Variants in ULK4 observed in about 807,000 individuals in gnomAD.
ULK4 encodes the protein unc-51 like kinase 4.
Under a neutral mutation model 160.6 loss-of-function variants are expected in ULK4, and 133 were observed. That is an observed-to-expected ratio of 0.83 (90% CI 0.72 to 0.96). The LOEUF is 0.96. Ranked by LOEUF, ULK4 falls within the 40% of genes least tolerant of loss-of-function variation. ULK4 has a pLI of 0.00. For synonymous variants in ULK4, 534 were observed against 539.8 expected (o/e 0.99, Z 0.15); for missense variants, 1,580 against 1,499.5 (o/e 1.05, Z -0.89).
chr3:41,707,557 T>A (rs1175522199), intron 25 of ULK4, among the ~76,000 whole-genome samples: 1 of 152,036 alleles, frequency 6.6e-6, no homozygotes, highest in Non-Finnish European at 1.5e-5. Flanking sequence ...TCAGGCCAGG[T>A]GAAGTGGCTC....
Position 41,816,861 on chromosome 3 carries a change from C to T in ULK4, c.1848+2562G>A, listed in dbSNP as rs930637422. Among the ~76,000 whole-genome samples, 10 of 152,232 alleles carry T rather than the reference C, an allele frequency of 6.6e-5. No individual in the cohort carries two copies. The South Asian group carries it at 8.3e-4, about 13-fold the overall frequency. On this transcript the variant is annotated intron_variant, in intron 19 of 36. Transcript: ENST00000301831. ...TAAGTTTGCCTATGTCAAATGTTTGCGAAGATATGGGTTAATAAGTACTTC... is the reference window on the plus strand; with the variant it reads ...TAAGTTTGCCTATGTCAAATGTTTGTGAAGATATGGGTTAATAAGTACTTC...
intron 35 of ULK4, among the ~76,000 whole-genome samples, chr3:41,279,436 T>C (rs943634705): frequency 3.3e-5 from 5 of 151,924 alleles, no homozygotes; most frequent in Non-Finnish European, 5.9e-5. Flanking sequence ...CAGGCCAACA[T>C]TCAAATTCAG....
Position 41,755,285 on chromosome 3 carries a change from AT to A in ULK4, c.2194-798del, listed in dbSNP as rs1042559389. ...TGTCCAAGACAGATTTAAGAAGCTC[AT>A]TTTTTTTTGGCCACACTCCAGTCCT... On this transcript the variant is annotated intron_variant, in intron 21 of 36. Transcript: ENST00000301831. Among the ~76,000 whole-genome samples the A allele has an allele frequency of 2.7e-5, 4 of 150,636 alleles. No individual in the cohort carries two copies. The East Asian group carries it at 7.8e-4, about 29-fold the overall frequency.
intron 22 of ULK4, among the ~76,000 whole-genome samples, chr3:41,745,185 A>C (rs1321602165): frequency 6.6e-6 from 1 of 151,392 alleles, no homozygotes; most frequent in African/African-American, 2.4e-5. Context: ...AGCAAGCAGA[A>C]GGAAAATATA....
At chr3:41,582,599 C>T (rs919776058) in intron 31 of ULK4, among the ~76,000 whole-genome samples, 2 of 152,204 alleles carry the variant, frequency 1.3e-5, no homozygotes, top group African/African-American at 4.8e-5. Flanking sequence ...CATCACCTTG[C>T]TTTCTGCTTT....
intron 35 of ULK4, among the ~76,000 whole-genome samples, chr3:41,263,314 G>C (rs1355770566): frequency 6.6e-6 from 1 of 152,206 alleles, no homozygotes; most frequent in Non-Finnish European, 1.5e-5. Context: ...TTTGTGTTGA[G>C]AGTGTTTGTG....
intron 17 of ULK4, among the ~76,000 whole-genome samples, chr3:41,858,413 G>C (rs578219795): frequency 6.6e-6 from 1 of 151,608 alleles, no homozygotes; most frequent in South Asian, 2.1e-4. Flanking sequence ...CGGCCTCCCA[G>C]AGTACTGGAA....
At chr3:41,515,548 T>A (rs1249631176) in intron 32 of ULK4, among the ~76,000 whole-genome samples, 1 of 152,160 alleles carries the variant, frequency 6.6e-6, no homozygotes, top group African/African-American at 2.4e-5. Context: ...GTTCTGCATG[T>A]GAGTCATGGC....
intron 31 of ULK4, among the ~76,000 whole-genome samples, chr3:41,613,892 A>G (rs1240692792): frequency 6.6e-6 from 1 of 152,248 alleles, no homozygotes; most frequent in Admixed American, 6.5e-5. Context: ...GCAAGGCCAT[A>G]GGGCTCAGGA....
intron 17 of ULK4, among the ~76,000 whole-genome samples, chr3:41,850,862 C>T (rs967189398): frequency 6.6e-5 from 10 of 152,130 alleles, no homozygotes; most frequent in South Asian, 2.1e-4. Context: ...CTTTTGGTGT[C>T]CTAGACATGA....
intron 23 of ULK4, among the ~76,000 whole-genome samples, chr3:41,715,894 C>T (rs1370828539): frequency 6.6e-6 from 1 of 151,602 alleles, no homozygotes; most frequent in Non-Finnish European, 1.5e-5. Flanking sequence ...GCACTTGTTG[C>T]TTTTGCAAAC....
intron 35 of ULK4, among the ~76,000 whole-genome samples, chr3:41,392,755 C>G (rs753001139): frequency 6.6e-6 from 1 of 152,154 alleles, no homozygotes; most frequent in Non-Finnish European, 1.5e-5. Flanking sequence ...CCTCAGGGAG[C>G]TTGTCTTTTC....
At chr3:41,536,773 G>A (rs2086514709) in intron 32 of ULK4, among the ~76,000 whole-genome samples, 1 of 152,194 alleles carries the variant, frequency 6.6e-6, no homozygotes, top group Non-Finnish European at 1.5e-5. Flanking sequence ...CAGGGTGGCA[G>A]AGGCTGACAA....
At chr3:41,302,313 T>C (rs2079816663) in intron 35 of ULK4, among the ~76,000 whole-genome samples, 1 of 152,210 alleles carries the variant, frequency 6.6e-6, no homozygotes, top group Non-Finnish European at 1.5e-5. Flanking sequence ...TAACTTATTA[T>C]TAAGTAGAAA....
chr3:41,731,020 A>G (rs1309437819), intron 22 of ULK4, among the ~76,000 whole-genome samples: 1 of 152,160 alleles, frequency 6.6e-6, no homozygotes, highest in Non-Finnish European at 1.5e-5. Flanking sequence ...GCATAGAAGG[A>G]ATGTTTGTAC....
chr3:41,628,789 T>C (rs1216179830), intron 30 of ULK4, among the ~76,000 whole-genome samples: 1 of 152,242 alleles, frequency 6.6e-6, no homozygotes, highest in Admixed American at 6.5e-5. Flanking sequence ...ATGTAACATG[T>C]TAACAGTAGT....
intron 1 of ULK4, among the ~76,000 whole-genome samples, chr3:41,961,227 G>C (rs980142540): frequency 6.6e-6 from 1 of 152,204 alleles, no homozygotes; most frequent in East Asian, 1.9e-4. Context: ...CAGGTGATAA[G>C]AGCGCACAGG....
chr3:41,894,500 T>C (rs1035667693), intron 16 of ULK4, among the ~76,000 whole-genome samples: 6 of 152,220 alleles, frequency 3.9e-5, no homozygotes, highest in African/African-American at 1.4e-4. Context: ...CATTTTTTCA[T>C]GTGCCTGTCC....
chr3:41,270,393 C>T (rs913437276), intron 35 of ULK4, among the ~76,000 whole-genome samples: 1 of 152,096 alleles, frequency 6.6e-6, no homozygotes, highest in Non-Finnish European at 1.5e-5. Context: ...TCCCCATGGG[C>T]CCTAGAGTTG....
Sources: allele counts gnomAD v4.1 joint callset (sites outside exome capture counted in the v4.1 genomes callset), GRCh38; gene constraint gnomAD v4.1.1; transcripts MANE v1.5; gene names NCBI Gene and HGNC (gene_info 2026-07-23, HGNC 2026-07-21).